Variants in SDK2 observed in about 807,000 individuals in gnomAD.
SDK2 encodes protein sidekick-2.
Under a neutral mutation model 253.9 loss-of-function variants are expected in SDK2, and 105 were observed. The ratio of observed to expected loss-of-function variants is 0.41; its 90% CI spans 0.35 to 0.49. The LOEUF is 0.49. SDK2 is among the 20% of genes least tolerant of loss of function. The pLI is 0.06. For synonymous variants in SDK2, 1,249 were observed against 1,234.9 expected (o/e 1.01, Z -0.24); for missense variants, 2,608 against 3,003.0 (o/e 0.87, Z 3.07).
intron 2 of SDK2, among the ~76,000 whole-genome samples, chr17:73,483,661 GTA>G (rs61050632): frequency 0.25 from 17,226 of 70,054 alleles, 2,245 homozygotes; most frequent in African/African-American, 0.29. Flanking sequence ...GTGTGTGTGT[GTA>G]TATATATATA....
intron 5 of SDK2, among the ~76,000 whole-genome samples, chr17:73,446,573 A>C (rs1454548192): frequency 6.6e-6 from 1 of 152,196 alleles, no homozygotes; most frequent in Non-Finnish European, 1.5e-5. Flanking sequence ...CCCTCTGGAC[A>C]TGGACAGCAG....
chr17:73,462,660 G>A (rs2063572102), intron 3 of SDK2, among the ~76,000 whole-genome samples: 1 of 152,096 alleles, frequency 6.6e-6, no homozygotes, highest in Non-Finnish European at 1.5e-5. Context: ...ATACACGCAT[G>A]TATATGTGGT....
At chr17:73,641,682 G>A (rs528545303) in intron 1 of SDK2, among the ~76,000 whole-genome samples, 33 of 151,258 alleles carry the variant, frequency 2.2e-4, no homozygotes, top group South Asian at 1.5e-3. Flanking sequence ...CAATTGTTTC[G>A]TCCCTCGTTC....
In SDK2 at chr17:73,361,587, T is replaced by G. The variant is rs962331061; in HGVS notation, c.5467+97A>C. The G allele has an allele frequency of 1.2e-5, 15 of 1,269,228 alleles. No individual in the cohort carries two copies. Among genetic ancestry groups the G allele is most frequent in the African/African-American group, 1.5e-5 (1 of 68,546 alleles). 78.6% of individuals were successfully genotyped at this position (1,269,228 alleles called of 1,614,324 possible). A position where few individuals can be genotyped will look rare whatever the true frequency, so the allele number is the denominator to read the frequency against. ...AGTGAGCTCTGTCCTCCACTCTGTT[T>G]CCAGGGTCCAGCACAGCTCTTGACA... is the stretch of plus-strand genomic sequence containing the variant. On this transcript the variant is annotated intron_variant, in intron 39 of 44. Transcript: ENST00000392650. This position sits in a 1 kb window ranked among gnomAD's most constrained non-coding sequence, Gnocchi z 4.1.
At chr17:73,566,317 A>ATGTGTGTGTGTGTGTG (rs763921480) in intron 1 of SDK2, among the ~76,000 whole-genome samples, 2,228 of 143,680 alleles carry the variant, frequency 0.016, 29 homozygotes, top group Non-Finnish European at 0.019. Context: ...TCTTATATAT[A>ATGTGTGTGTGTGTGTG]TATGTGTGTG....
chr17:73,641,563 G>A (rs923805608), intron 1 of SDK2, among the ~76,000 whole-genome samples: 4 of 152,140 alleles, frequency 2.6e-5, no homozygotes, highest in African/African-American at 9.7e-5. Flanking sequence ...CCCAGGTGAT[G>A]TCGCTCAGGT....
chr17:73,368,628 CA>C (rs776915711), intron 36 of SDK2, 35 bp from the exon 37 acceptor site: 14 of 1,497,614 alleles, frequency 9.3e-6, no homozygotes, highest in East Asian at 2.5e-5. Flanking sequence ...GTGAGGGGGA[CA>C]GGGGCAATGA....
At chr17:73,602,772 G>T (rs1355759945) in intron 1 of SDK2, among the ~76,000 whole-genome samples, 1 of 152,020 alleles carries the variant, frequency 6.6e-6, no homozygotes, top group South Asian at 2.1e-4. Context: ...TGTCACTCAG[G>T]CTGGAGTGCA....
intron 1 of SDK2, among the ~76,000 whole-genome samples, chr17:73,563,039 G>A (rs112135502): frequency 1.7e-4 from 26 of 152,296 alleles, no homozygotes; most frequent in African/African-American, 2.4e-4. Context: ...GGACAGCTCC[G>A]CTCTGATACC....
At position 73,541,105 on chromosome 17, in the gene SDK2, C is replaced by G. The variant is rs1011052819; in HGVS notation, c.65-33508G>C. Among the ~76,000 whole-genome samples, 1 of 152,248 alleles carries G rather than the reference C, an allele frequency of 6.6e-6. No homozygotes were observed. The highest frequency in any genetic ancestry group is 1.5e-5 in the Non-Finnish European group (1 of 68,048). On this transcript the variant is annotated intron_variant, in intron 1 of 44. Coordinates refer to ENST00000392650, the MANE Select transcript of SDK2 (RefSeq NM_001144952.2). This position sits in a 1 kb window ranked among gnomAD's most constrained non-coding sequence, Gnocchi z 4.3. ...TGTCTGCCCAGCCCCTAACATGGGG[C>G]ACCCCTCCCGCTACTCCTGGCCAAA...
chr17:73,496,928 G>A lies in SDK2; in HGVS notation c.224+10510C>T, dbSNP rs939129290. 3.9e-5 allele frequency among the ~76,000 whole-genome samples: 6 copies of A among 152,118 alleles called. No individual in the cohort carries two copies. Among genetic ancestry groups the A allele is most frequent in the Admixed American group, 2.0e-4 (3 of 15,274 alleles). ...TATTTATGTTTTGAGATGGGGTCTC[G>A]CTTTGTCGCCTAGGTAGGAATGCAG... On this transcript the variant is annotated intron_variant, in intron 2 of 44. Transcript: ENST00000392650. The surrounding 1 kb of genome is among the most constrained non-coding windows in gnomAD (Gnocchi z 4.7).
intron 1 of SDK2, among the ~76,000 whole-genome samples, chr17:73,539,256 C>T (rs1385023639): frequency 1.3e-5 from 2 of 152,196 alleles, no homozygotes; most frequent in Admixed American, 6.5e-5. Flanking sequence ...ACAGGCTGAG[C>T]AGGCCCCTTA....
intron 38 of SDK2, among the ~76,000 whole-genome samples, chr17:73,362,238 G>A (rs553115066): frequency 1.2e-4 from 18 of 152,136 alleles, no homozygotes; most frequent in African/African-American, 4.3e-4. Flanking sequence ...GCATCCCATG[G>A]GACTAGAATT....
At chr17:73,440,578 T>A (rs2063407533) in intron 6 of SDK2, among the ~76,000 whole-genome samples, 1 of 152,118 alleles carries the variant, frequency 6.6e-6, no homozygotes. Context: ...GACGTCCCCT[T>A]CCCTGTAAGT....
Position 73,372,608 on chromosome 17 carries a change from G to T in SDK2, c.4981-4015C>A, listed in dbSNP as rs761084832. 6.2e-4 allele frequency among the ~76,000 whole-genome samples: 94 copies of T among 152,144 alleles called. 1 individual carries two copies. The highest frequency in any genetic ancestry group is 1.1e-3 in the Non-Finnish European group (78 of 68,020). On this transcript the variant is annotated intron_variant, in intron 36 of 44. Coordinates refer to ENST00000392650, the MANE Select transcript of SDK2 (RefSeq NM_001144952.2). ...GATCTATATATAGCCGGGCATGGTGGTGGGTGCCTGTAATCCCAGCTACTC... is the reference window on the plus strand; with the variant it reads ...GATCTATATATAGCCGGGCATGGTGTTGGGTGCCTGTAATCCCAGCTACTC...
intron 2 of SDK2, among the ~76,000 whole-genome samples, chr17:73,490,061 C>T (rs550336750): frequency 6.6e-6 from 1 of 152,148 alleles, no homozygotes; most frequent in Non-Finnish European, 1.5e-5. Flanking sequence ...CACCACCACC[C>T]CGGGCCTTCC....
chr17:73,509,174 C>T (rs76305543), intron 1 of SDK2, among the ~76,000 whole-genome samples: 1,973 of 152,342 alleles, frequency 0.013, 15 homozygotes, highest in Non-Finnish European at 0.02. Flanking sequence ...TTCCCAGCGG[C>T]GTGCGGTGGA....
chr17:73,340,618 A>C lies in SDK2; in HGVS notation c.6166-1678T>G, dbSNP rs932717595. Among the ~76,000 whole-genome samples the C allele has an allele frequency of 2.6e-5, 4 of 152,244 alleles. No homozygotes were observed. In the South Asian group the frequency reaches 8.3e-4, roughly 32 times the overall value. ...GACCTTTAGAGGCTCTGGACAGTGA[A>C]AAATGCCTGTGCCTGTCCACGTGTG... On this transcript the variant is annotated intron_variant, in intron 44 of 44. Transcript: ENST00000392650.
Position 73,386,427 on chromosome 17 carries a change from T to A in SDK2, c.4498+18A>T. ...GCCAGTGGGCTGAGAGAGAGACTGCTGGGGAAGGGGTACTGACCAGCCTGC... is the reference window on the plus strand; with the variant it reads ...GCCAGTGGGCTGAGAGAGAGACTGCAGGGGAAGGGGTACTGACCAGCCTGC... On this transcript the variant is annotated intron_variant, in intron 31 of 44. Transcript: ENST00000392650. 4.7e-6 allele frequency: 7 copies of A among 1,504,974 alleles called. No individual in the cohort carries two copies. The highest frequency in any genetic ancestry group is 6.3e-6 in the Non-Finnish European group (7 of 1,104,514). 93.2% of individuals were successfully genotyped at this position (1,504,974 alleles called of 1,614,324 possible). A position where few individuals can be genotyped will look rare whatever the true frequency, so the allele number is the denominator to read the frequency against.
Sources: allele counts gnomAD v4.1 joint callset (sites outside exome capture counted in the v4.1 genomes callset), GRCh38; gene constraint gnomAD v4.1.1; non-coding constraint Gnocchi (gnomAD v3.1); transcripts MANE v1.5; gene names NCBI Gene and HGNC (gene_info 2026-07-23, HGNC 2026-07-21).